The following GPR155 variants were observed in gnomAD, a reference collection of about 807,000 sequenced individuals.
The protein encoded by GPR155 is lysosomal cholesterol signaling protein.
In GPR155, 65 loss-of-function variants were observed where a neutral mutation model predicts 93.1. The observed-to-expected ratio is 0.70, with a 90% CI of 0.57 to 0.86. The LOEUF (loss-of-function observed/expected upper bound fraction) is 0.86, where lower values mean the gene tolerates loss of function less well. GPR155 is among the 40% of genes least tolerant of loss of function. GPR155 has a pLI of 0.00. For synonymous variants in GPR155, 319 were observed against 360.1 expected, an observed-to-expected ratio of 0.89 and a Z score of 1.29; for missense variants, 838 against 1,034.8, an observed-to-expected ratio of 0.81 and a Z score of 2.61.
chr2:174,451,813 T>A (rs924422482), intron 11 of GPR155, among the ~76,000 whole-genome samples: 1 of 152,128 alleles, frequency 6.6e-6, no homozygotes, highest in Admixed American at 6.6e-5. Flanking sequence ...ATTCAGCTAA[T>A]TTTTTTGATT....
At chr2:174,456,819 A>G (rs929341994) in intron 10 of GPR155, among the ~76,000 whole-genome samples, 1 of 152,214 alleles carries the variant, frequency 6.6e-6, no homozygotes, top group African/African-American at 2.4e-5. Context: ...CTACAGTATA[A>G]GATTTATATA....
At chr2:174,476,622 C>CA (rs200632959) in intron 2 of GPR155, among the ~76,000 whole-genome samples, 8,024 of 150,806 alleles carry the variant, frequency 0.053, 281 homozygotes, top group Non-Finnish European at 0.078. Flanking sequence ...AAAAACAAAA[C>CA]AAAAAAAAAC....
At chr2:174,464,182 A>C (rs1435434264) in intron 7 of GPR155, among the ~76,000 whole-genome samples, 1 of 152,228 alleles carries the variant, frequency 6.6e-6, no homozygotes, top group Non-Finnish European at 1.5e-5. Flanking sequence ...TCAGTTTGCA[A>C]AATGAAGGAT....
At chr2:174,486,418 CT>C (rs1161340586) in intron 1 of GPR155, among the ~76,000 whole-genome samples, 3 of 152,214 alleles carry the variant, frequency 2.0e-5, no homozygotes, top group Admixed American at 1.3e-4. Flanking sequence ...GGTCGCTAGT[CT>C]TCCCAGGGCA....
At position 174,481,632 on chromosome 2, in the gene GPR155, C is replaced by T. The variant is rs1053176125; in HGVS notation, c.325G>A (p.Ala109Thr). The part of the protein sequence containing the change: ...DWSFLYSILI[A>T]KASVFFIVCV... ...ACAATGAAAAATACAGAAGCTTTGGCAATTAAGATACTATATAGGAAGGAC... is the reference window on the plus strand; with the variant it reads ...ACAATGAAAAATACAGAAGCTTTGGTAATTAAGATACTATATAGGAAGGAC... The change falls in exon 2 of 16, where the codon GCC becomes ACC. Residue 109 changes from alanine to threonine, a missense_variant. Coordinates refer to ENST00000392552, the MANE Select transcript of GPR155 (RefSeq NM_152529.7). 1.9e-6 allele frequency: 3 copies of T among 1,613,450 alleles called. No homozygotes were observed. Among genetic ancestry groups the T allele is most frequent in the Non-Finnish European group, 2.5e-6 (3 of 1,179,532 alleles).
rs371418162 is a variant in GPR155 at position 174,453,875 on chromosome 2, C to T, written c.1772-34G>A. ...ATCAAATAGTATGTGAGAGTAGAGC[C>T]CAACCACAACAGAAATGGACAATTT... On this transcript the variant is annotated intron_variant, in intron 10 of 15. Transcript: ENST00000392552. 6.6e-5 allele frequency: 90 copies of T among 1,363,244 alleles called. No individual in the cohort carries two copies. In the African/African-American group the frequency reaches 1.2e-3, roughly 18 times the overall value. The allele number at this position is 1,363,244 out of a possible 1,614,324, so 84.4% of individuals were successfully genotyped here. A position where few individuals can be genotyped will look rare whatever the true frequency, so the allele number is the denominator to read the frequency against.
rs1177657736 is a variant in GPR155, at chr2:174,484,700, G to C, written c.-32+2173C>G. Among the ~76,000 whole-genome samples the C allele has an allele frequency of 6.6e-5, 10 of 152,318 alleles. No individual in the cohort carries two copies. The East Asian group carries it at 9.6e-4, about 15-fold the overall frequency. On this transcript the variant is annotated intron_variant, in intron 1 of 15. Coordinates refer to ENST00000392552, the MANE Select transcript of GPR155 (RefSeq NM_152529.7). ...AATCCCAGCATTTTGAGAGGCCCAG[G>C]CAGGTGGACTGTGTGAGCCCAGGAG...
At chr2:174,463,625 C>G (rs1206090182) in intron 7 of GPR155, among the ~76,000 whole-genome samples, 1 of 152,120 alleles carries the variant, frequency 6.6e-6, no homozygotes, top group African/African-American at 2.4e-5. Context: ...GGTCAAAACC[C>G]CACATATGGA....
At chr2:174,440,455 A>G (rs1478465720) in intron 14 of GPR155, among the ~76,000 whole-genome samples, 1 of 152,154 alleles carries the variant, frequency 6.6e-6, no homozygotes, top group African/African-American at 2.4e-5. Context: ...CTCGTACTCC[A>G]AAAACTGGAG....
rs1266707785 is a variant in GPR155, at chr2:174,433,852, A to G, written c.*2264T>C. On this transcript the variant is annotated 3_prime_UTR_variant, in exon 16 of 16. Coordinates refer to ENST00000392552, the MANE Select transcript of GPR155 (RefSeq NM_152529.7). ...TATCCAGTTTATATTTTGTTTTAGT[A>G]GCTAAAATATTAGACTAAGAGAAAA... The G allele has an allele frequency of 6.6e-6, 1 of 152,234 alleles. No individual in the cohort carries two copies. Among genetic ancestry groups the G allele is most frequent in the African/African-American group, 2.4e-5 (1 of 41,464 alleles). The allele number at this position is 152,234 out of a possible 1,614,324, so 9.4% of individuals were successfully genotyped here.
In GPR155 at chr2:174,439,977, C is replaced by G; in HGVS notation, c.2233G>C (p.Glu745Gln). Residue 745 changes from glutamate to glutamine, a missense_variant, in exon 15 of 16, where the codon GAG (glutamate) becomes CAG (glutamine). By Grantham distance (29) the Glu-to-Gln change is conservative. This residue lies in a region of GPR155 where 146 missense variants were observed against 177.5 expected (regional missense o/e 0.82). Transcript: ENST00000392552. The part of the protein sequence containing the change: ...TAENRDSPVS[E>Q]EIKMTCQQFI... ...TGTTGACAGGTCATTTTTATTTCCT[C>G]TGAAACAGGAGAATCCCTGTTTTCT... 6.2e-7 allele frequency: 1 copy of G among 1,611,232 alleles called. No homozygotes were observed. Among genetic ancestry groups the G allele is most frequent in the Non-Finnish European group, 8.5e-7 (1 of 1,177,698 alleles).
chr2:174,445,086 CA>C lies in GPR155; in HGVS notation c.2103del (p.Phe701LeufsTer13). Reference protein sequence around the residue: ...ELQFFCAVFNFGQGFISFGIF... With the variant: ...ELQFFCAVFNXGQGFISFGIF... ...AGTTCTCCATAAATAAATACCTGAC[CA>C]AAGTTAAACACGGCACAGAAAAACT... is the stretch of plus-strand genomic sequence containing the variant. On this transcript the variant is annotated frameshift_variant, in exon 13 of 16. Transcript: ENST00000392552. LOFTEE classifies it high-confidence loss of function. 6.4e-7 allele frequency: 1 copy of C among 1,563,620 alleles called. No homozygotes were observed.
intron 3 of GPR155, among the ~76,000 whole-genome samples, chr2:174,471,468 TAAAA>T (rs10581991): frequency 2.7e-4 from 35 of 130,222 alleles, no homozygotes; most frequent in Non-Finnish European, 3.2e-4. Flanking sequence ...TTCATCTTTG[TAAAA>T]AAAAAAAAAA....
chr2:174,438,418 C>G (rs1686855215), intron 15 of GPR155, among the ~76,000 whole-genome samples: 1 of 152,212 alleles, frequency 6.6e-6, no homozygotes, highest in East Asian at 1.9e-4. Context: ...AGCTATGCTT[C>G]CTTCCCAAGA....
intron 5 of GPR155, among the ~76,000 whole-genome samples, chr2:174,467,936 A>G: frequency 6.6e-6 from 1 of 152,136 alleles, no homozygotes; most frequent in East Asian, 1.9e-4. Flanking sequence ...GGGATTCTCC[A>G]TGTTGGCCAG....
intron 5 of GPR155, among the ~76,000 whole-genome samples, chr2:174,468,164 T>C (rs1687894632): frequency 6.6e-6 from 1 of 152,212 alleles, no homozygotes; most frequent in African/African-American, 2.4e-5. Flanking sequence ...CAAACTGCCC[T>C]GTTATGAATG....
intron 15 of GPR155, among the ~76,000 whole-genome samples, chr2:174,438,799 G>A (rs1686868455): frequency 1.3e-5 from 2 of 152,246 alleles, no homozygotes; most frequent in Middle Eastern, 3.4e-3. Flanking sequence ...GAGCCAGCAC[G>A]CCCGGCCCTA....
At chr2:174,442,361 C>T (rs1327595484) in intron 13 of GPR155, among the ~76,000 whole-genome samples, 178 bp from the exon 14 acceptor site, 2 of 152,170 alleles carry the variant, frequency 1.3e-5, no homozygotes, top group Admixed American at 1.3e-4. Flanking sequence ...GCTTTGCTGC[C>T]TTTTCCCAAT....
chr2:174,471,611 G>A (rs1484353745), intron 3 of GPR155, among the ~76,000 whole-genome samples: 1 of 152,020 alleles, frequency 6.6e-6, no homozygotes, highest in African/African-American at 2.4e-5. Flanking sequence ...CACAGTAGTT[G>A]AGCAAATAGG....
Sources: gnomAD v4.1 joint callset for allele counts (sites outside exome capture counted in the v4.1 genomes callset) on GRCh38, gnomAD v4.1.1 for gene constraint, gnomAD v4.1.1 regional missense constraint, MANE v1.5 for transcripts, NCBI Gene and HGNC (gene_info 2026-07-23, HGNC 2026-07-21) for gene names.